ABCD3: variants seen among roughly 807,000 people sequenced by gnomAD.
The protein encoded by ABCD3 is ATP-binding cassette sub-family D member 3.
In ABCD3, 41 loss-of-function variants were observed where a neutral mutation model predicts 105.5. The observed-to-expected ratio is 0.39, with a 90% CI of 0.30 to 0.50. The LOEUF (loss-of-function observed/expected upper bound fraction) is 0.50, where lower values mean the gene tolerates loss of function less well. Ranked by LOEUF, ABCD3 falls within the 20% of genes least tolerant of loss-of-function variation. The pLI is 0.84. For synonymous variants in ABCD3, 258 were observed against 269.0 expected (o/e 0.96, Z 0.40); for missense variants, 622 against 806.3 (o/e 0.77, Z 2.77).
chr1:94,412,830 C>T, the ABCD3 span, among the ~76,000 whole-genome samples: 1 of 152,162 alleles, frequency 6.6e-6, no homozygotes, highest in East Asian at 1.9e-4. Flanking sequence ...TATTTTGTAT[C>T]TCTATGATAA....
chr1:94,406,286 CATGT>C, the ABCD3 span: 1 of 172,700 alleles, frequency 5.8e-6, no homozygotes, highest in Admixed American at 6.4e-5. Flanking sequence ...TCTGTCTATT[CATGT>C]ACTAGTACCA....
At chr1:94,457,904 C>T (rs918252324) in intron 1 of ABCD3, among the ~76,000 whole-genome samples, 5 of 152,140 alleles carry the variant, frequency 3.3e-5, no homozygotes, top group Non-Finnish European at 5.9e-5. Context: ...GCAGTAGCTC[C>T]TGATAGCATG....
intron 1 of ABCD3, among the ~76,000 whole-genome samples, chr1:94,455,200 C>T (rs1164095400): frequency 6.6e-6 from 1 of 152,104 alleles, no homozygotes; most frequent in Non-Finnish European, 1.5e-5. Flanking sequence ...AACTTCTGTA[C>T]TCATACTGAA....
intron 9 of ABCD3, chr1:94,482,273 G>A (rs774426311): frequency 3.9e-5 from 6 of 152,144 alleles, no homozygotes; most frequent in Non-Finnish European, 7.4e-5. Flanking sequence ...GAGGTAGGTG[G>A]TACCTTGTTT....
chr1:94,436,260 C>A (rs879436379), intron 1 of ABCD3, among the ~76,000 whole-genome samples: 1 of 152,186 alleles, frequency 6.6e-6, no homozygotes, highest in Admixed American at 6.5e-5. Context: ...TTATCATCTT[C>A]TATTTACATC....
intron 21 of ABCD3, among the ~76,000 whole-genome samples, chr1:94,511,687 G>A (rs181005863): frequency 2.9e-4 from 44 of 151,980 alleles, no homozygotes; most frequent in African/African-American, 8.2e-4. Flanking sequence ...GGCTTTGCTC[G>A]TTTCTGTTTG....
At chr1:94,393,658 A>G in the ABCD3 span, among the ~76,000 whole-genome samples, 5 of 152,162 alleles carry the variant, frequency 3.3e-5, no homozygotes, top group African/African-American at 1.2e-4. Flanking sequence ...AAGAAAAGAA[A>G]AGAAAGAAAG....
chr1:94,398,512 C>T, the ABCD3 span, among the ~76,000 whole-genome samples: 2 of 152,142 alleles, frequency 1.3e-5, no homozygotes. Context: ...TCCAAAATTA[C>T]TTAGGTCAGC....
intron 20 of ABCD3, among the ~76,000 whole-genome samples, chr1:94,501,905 A>G (rs982201269): frequency 6.7e-6 from 1 of 150,056 alleles, no homozygotes; most frequent in Non-Finnish European, 1.5e-5. Context: ...ATTAGCAACT[A>G]TCCCCCTTTC....
At chr1:94,491,277 T>C (rs1180532308) in intron 16 of ABCD3, 30 bp downstream of exon 16, 1 of 1,494,496 alleles carries the variant, frequency 6.7e-7, no homozygotes, top group African/African-American at 1.4e-5. Context: ...TATAAAAGCT[T>C]AAATCATCTT....
intron 1 of ABCD3, among the ~76,000 whole-genome samples, chr1:94,432,316 G>A (rs1047265884): frequency 6.6e-6 from 1 of 152,170 alleles, no homozygotes. Flanking sequence ...ACCTGGGAGG[G>A]TTTCATACTG....
At chr1:94,416,338 A>C (rs1659005854), upstream of ABCD3, among the ~76,000 whole-genome samples, 1 of 152,230 alleles carries the variant, frequency 6.6e-6, no homozygotes, top group Admixed American at 6.5e-5. Context: ...AGACAAAACT[A>C]AATATTTTCA....
the ABCD3 span, among the ~76,000 whole-genome samples, chr1:94,405,975 T>G: frequency 2.0e-5 from 3 of 150,820 alleles, no homozygotes; most frequent in African/African-American, 7.3e-5. Context: ...GCATTTGAAT[T>G]TTTAGTAACA....
At chr1:94,439,833 G>A (rs1660068086) in intron 1 of ABCD3, among the ~76,000 whole-genome samples, 1 of 151,898 alleles carries the variant, frequency 6.6e-6, no homozygotes, top group South Asian at 2.1e-4. Flanking sequence ...ATTATTTTAT[G>A]CTGTGAGTTT....
At chr1:94,482,940 T>C (rs2101010781) in intron 9 of ABCD3, 1 of 517,604 alleles carries the variant, frequency 1.9e-6, no homozygotes, top group Non-Finnish European at 3.5e-6. Flanking sequence ...ACCTATGCCA[T>C]AGGTTGCAGT....
At chr1:94,462,692 C>A (rs1647937586) in intron 2 of ABCD3, among the ~76,000 whole-genome samples, 1 of 152,062 alleles carries the variant, frequency 6.6e-6, no homozygotes, top group Admixed American at 6.6e-5. Flanking sequence ...TGTCTTAGAT[C>A]ATTTCTTTAG....
chr1:94,433,529 A>G (rs759746247), intron 1 of ABCD3, among the ~76,000 whole-genome samples: 2 of 152,080 alleles, frequency 1.3e-5, no homozygotes, highest in Admixed American at 6.6e-5. Context: ...TACACACCCA[A>G]GCTGTATGGT....
chr1:94,467,474 T>C (rs969805757), intron 3 of ABCD3, among the ~76,000 whole-genome samples: 1 of 152,250 alleles, frequency 6.6e-6, no homozygotes, highest in African/African-American at 2.4e-5. Flanking sequence ...ACCAAATTTA[T>C]TCTACCTAGG....
At chr1:94,444,344 A>AAC (rs1660257812) in intron 1 of ABCD3, among the ~76,000 whole-genome samples, 4 of 151,302 alleles carry the variant, frequency 2.6e-5, no homozygotes, top group Admixed American at 2.6e-4. Flanking sequence ...AAAAAAAAAA[A>AAC]AAAAAAAATG....
Sources: gnomAD v4.1 joint callset for allele counts (sites outside exome capture counted in the v4.1 genomes callset) on GRCh38, gnomAD v4.1.1 for gene constraint, MANE v1.5 for transcripts, NCBI Gene and HGNC (gene_info 2026-07-23, HGNC 2026-07-21) for gene names.